FOXP1: variants seen among roughly 807,000 people sequenced by gnomAD.
FOXP1 encodes forkhead box P1.
Under a neutral mutation model 98.2 loss-of-function variants are expected in FOXP1, and 15 were observed. That is an observed-to-expected ratio of 0.15 (90% CI 0.10 to 0.24). The LOEUF is 0.24. FOXP1 is among the 10% of genes least tolerant of loss of function. FOXP1 has a pLI of 1.00. For missense variants in FOXP1, 633 were observed against 848.5 expected, an observed-to-expected ratio of 0.75 and a Z score of 3.15; for synonymous variants, 371 against 314.5, an observed-to-expected ratio of 1.18 and a Z score of -1.90.
chr3:71,146,251 A>G (rs2060301554), intron 6 of FOXP1, among the ~76,000 whole-genome samples: 1 of 152,220 alleles, frequency 6.6e-6, no homozygotes, highest in African/African-American at 2.4e-5. Flanking sequence ...CCCAGGTAAT[A>G]AATCAAAGAA....
chr3:71,106,958 G>T (rs2057492012), intron 7 of FOXP1, among the ~76,000 whole-genome samples: 1 of 151,752 alleles, frequency 6.6e-6, no homozygotes, highest in African/African-American at 2.4e-5. Flanking sequence ...TCACAGAGAT[G>T]GGGTTTTGCC....
intron 7 of FOXP1, among the ~76,000 whole-genome samples, chr3:71,111,027 A>C (rs1018856943): frequency 6.6e-6 from 1 of 152,230 alleles, no homozygotes; most frequent in African/African-American, 2.4e-5. Context: ...CTCTCTCTGG[A>C]AAGTGACAGT....
intron 6 of FOXP1, among the ~76,000 whole-genome samples, chr3:71,138,428 G>T (rs1432204359): frequency 1.3e-5 from 2 of 151,936 alleles, no homozygotes; most frequent in African/African-American, 4.8e-5. Context: ...AATGATACAT[G>T]AATTAGTTTT....
intron 11 of FOXP1, 72 bp downstream of exon 11, chr3:71,041,256 T>C: frequency 1.7e-6 from 2 of 1,186,922 alleles, no homozygotes; most frequent in South Asian, 1.2e-5. Flanking sequence ...CACTGAGATA[T>C]GACGAGGCAG....
intron 4 of FOXP1, among the ~76,000 whole-genome samples, chr3:71,351,425 A>G (rs1460079733): frequency 7.9e-5 from 12 of 152,236 alleles, no homozygotes; most frequent in Admixed American, 7.9e-4. Flanking sequence ...TGAACACTTC[A>G]AACCTTTTAA....
chr3:71,115,338 TTTA>T (rs1338530009), intron 6 of FOXP1, among the ~76,000 whole-genome samples: 1 of 151,066 alleles, frequency 6.6e-6, no homozygotes, highest in Non-Finnish European at 1.5e-5. Flanking sequence ...TATTTATTTA[TTTA>T]TTTATTTATT....
At chr3:71,087,218 A>G (rs1221214673) in intron 7 of FOXP1, among the ~76,000 whole-genome samples, 1 of 152,142 alleles carries the variant, frequency 6.6e-6, no homozygotes, top group Non-Finnish European at 1.5e-5. Flanking sequence ...AGATCAAAAG[A>G]CCAAGGCAGG....
intron 7 of FOXP1, among the ~76,000 whole-genome samples, chr3:71,065,955 A>G (rs750018195): frequency 3.9e-5 from 6 of 152,080 alleles, no homozygotes; most frequent in African/African-American, 1.4e-4. Context: ...ACCACCTTCA[A>G]ACTTGGAGAA....
At chr3:71,465,608 C>T (rs1240506816) in intron 3 of FOXP1, among the ~76,000 whole-genome samples, 6 of 152,174 alleles carry the variant, frequency 3.9e-5, no homozygotes, top group African/African-American at 1.4e-4. Flanking sequence ...ATGCAATGCT[C>T]CACAAGGGCA....
At chr3:71,458,659 A>AATACTTTCC (rs1463408809) in intron 3 of FOXP1, among the ~76,000 whole-genome samples, 1 of 152,202 alleles carries the variant, frequency 6.6e-6, no homozygotes, top group Admixed American at 6.5e-5. Flanking sequence ...TTCAAATGAA[A>AATACTTTCC]ATACTTTCCC....
chr3:71,577,872 C>T (rs887047622), intron 2 of FOXP1, among the ~76,000 whole-genome samples: 3 of 151,938 alleles, frequency 2.0e-5, no homozygotes, highest in African/African-American at 7.3e-5. Flanking sequence ...AGATGCCTTT[C>T]TTGAGGTTAT....
At chr3:71,160,499 C>T (rs151317347) in intron 6 of FOXP1, among the ~76,000 whole-genome samples, 316 of 152,226 alleles carry the variant, frequency 2.1e-3, no homozygotes, top group Admixed American at 4.9e-3. Context: ...CCACTGTTGG[C>T]GTTAAGTGAA....
At chr3:71,460,467 C>CT (rs2087965090) in intron 3 of FOXP1, among the ~76,000 whole-genome samples, 1 of 151,506 alleles carries the variant, frequency 6.6e-6, no homozygotes, top group South Asian at 2.1e-4. Flanking sequence ...GACAGAGTCT[C>CT]ACTCTGTCGC....
chr3:71,199,681 A>G (rs1212325199), intron 5 of FOXP1, among the ~76,000 whole-genome samples: 2 of 152,060 alleles, frequency 1.3e-5, no homozygotes, highest in Non-Finnish European at 2.9e-5. Flanking sequence ...TGGAGGTTGC[A>G]GTGAGCCAAG....
At chr3:71,285,448 G>A (rs1428496230) in intron 5 of FOXP1, among the ~76,000 whole-genome samples, 2 of 152,078 alleles carry the variant, frequency 1.3e-5, no homozygotes, top group African/African-American at 4.8e-5. Flanking sequence ...AGGGAGGAGA[G>A]ACACAGAGGG....
chr3:71,454,923 G>A (rs2087321527), intron 3 of FOXP1, among the ~76,000 whole-genome samples: 1 of 152,114 alleles, frequency 6.6e-6, no homozygotes, highest in South Asian at 2.1e-4. Flanking sequence ...AACTTCAAAT[G>A]TGCATCTCCT....
chr3:71,462,654 G>T (rs1456745061), intron 3 of FOXP1, among the ~76,000 whole-genome samples: 1 of 152,124 alleles, frequency 6.6e-6, no homozygotes, highest in Admixed American at 6.5e-5. Context: ...GATGTGAGAG[G>T]GAAATCATTG....
intron 2 of FOXP1, among the ~76,000 whole-genome samples, chr3:71,540,172 C>T (rs1347660802): frequency 6.6e-6 from 1 of 152,214 alleles, no homozygotes; most frequent in South Asian, 2.1e-4. Context: ...TTGGTGAGGG[C>T]CCCTGCCAGG....
At chr3:71,083,490 C>T (rs999256600) in intron 7 of FOXP1, among the ~76,000 whole-genome samples, 3 of 152,204 alleles carry the variant, frequency 2.0e-5, no homozygotes, top group Non-Finnish European at 1.5e-5. Context: ...CACATCTCCT[C>T]CCTTCTCCAC....
Sources: gnomAD v4.1 joint callset for allele counts (sites outside exome capture counted in the v4.1 genomes callset) on GRCh38, gnomAD v4.1.1 for gene constraint, MANE v1.5 for transcripts, NCBI Gene and HGNC (gene_info 2026-07-23, HGNC 2026-07-21) for gene names.